The following HLCS variants were observed in gnomAD, a reference collection of about 807,000 sequenced individuals.
HLCS encodes the protein holocarboxylase synthetase.
In HLCS, 53 loss-of-function variants were observed where a neutral mutation model predicts 75.0. The ratio of observed to expected loss-of-function variants is 0.71; its 90% confidence interval spans 0.57 to 0.89. The LOEUF is 0.89. Ranked by LOEUF, HLCS falls within the 40% of genes least tolerant of loss-of-function variation. HLCS has a pLI of 0.00. For synonymous variants in HLCS, 431 were observed against 428.6 expected (o/e 1.01, Z -0.07); for missense variants, 966 against 1,074.0 (o/e 0.90, Z 1.41).
Position 36,750,328 on chromosome 21 carries a change from C to T in HLCS, c.*3918G>A, listed in dbSNP as rs1210468032. Reference sequence around the variant, plus strand: ...CCCAATTCAAGGCTGGCTCAGCCCTCCACGGGGCCTCCCAGGGAAAGGAAT... The same window carrying T: ...CCCAATTCAAGGCTGGCTCAGCCCTTCACGGGGCCTCCCAGGGAAAGGAAT... On this transcript the variant is annotated 3_prime_UTR_variant, in exon 11 of 11. Coordinates refer to ENST00000674895, the MANE Select transcript of HLCS (RefSeq NM_001352514.2). Among the ~76,000 whole-genome samples the T allele has an allele frequency of 1.3e-5, 2 of 152,246 alleles. No individual in the cohort carries two copies. The highest frequency in any genetic ancestry group is 2.4e-5 in the African/African-American group (1 of 41,466).
chr21:36,879,272 G>A (rs2064112468), intron 6 of HLCS, among the ~76,000 whole-genome samples: 1 of 151,966 alleles, frequency 6.6e-6, no homozygotes, highest in South Asian at 2.1e-4. Flanking sequence ...ATTGTAATGG[G>A]GTCACTACAG....
At chr21:36,939,844 G>A (rs1354819383) in intron 2 of HLCS, among the ~76,000 whole-genome samples, 3 of 152,136 alleles carry the variant, frequency 2.0e-5, no homozygotes, top group African/African-American at 4.8e-5. Flanking sequence ...GCAAGCTTCC[G>A]ACCCTCACAG....
At chr21:36,891,622 G>A (rs1478590237) in intron 6 of HLCS, among the ~76,000 whole-genome samples, 3 of 152,140 alleles carry the variant, frequency 2.0e-5, no homozygotes, top group African/African-American at 7.2e-5. Context: ...AGGTAGACCT[G>A]GTGTCTGTTA....
At chr21:36,968,325 T>C (rs180887094), upstream of HLCS, among the ~76,000 whole-genome samples, 342 of 152,352 alleles carry the variant, frequency 2.2e-3, 1 homozygote, top group Non-Finnish European at 3.8e-3. Context: ...CTTGGCCATT[T>C]GTTCATCTGC....
chr21:36,754,410 G>C lies in HLCS; in HGVS notation c.2458C>G (p.Gln820Glu). ...YYRYWVHSGQ[Q>E]VHLGSAEGPK... ...CCCTCTGCGCTGCCCAGATGGACTT[G>C]CTGACCACTGAAAAGGAAGAACAGC... The change falls in exon 11 of 11, where the codon CAA becomes GAA. Residue 820 changes from glutamine to glutamate, a missense_variant. Physicochemically the swap from Gln to Glu is conservative, Grantham distance 29. Coordinates refer to ENST00000674895, the MANE Select transcript of HLCS (RefSeq NM_001352514.2). The C allele has an allele frequency of 6.2e-7, 1 of 1,612,206 alleles. No homozygotes were observed. The highest frequency in any genetic ancestry group is 1.1e-5 in the South Asian group (1 of 90,974).
At chr21:36,755,335 A>C (rs2089523252) in intron 10 of HLCS, among the ~76,000 whole-genome samples, 1 of 151,950 alleles carries the variant, frequency 6.6e-6, no homozygotes, top group Non-Finnish European at 1.5e-5. Flanking sequence ...CGGGAGTTCA[A>C]GGTTTCAGTA....
At chr21:36,942,034 T>G (rs1601821759) in intron 2 of HLCS, among the ~76,000 whole-genome samples, 1 of 147,680 alleles carries the variant, frequency 6.8e-6, no homozygotes, top group African/African-American at 2.5e-5. Context: ...TTTAGCTAGG[T>G]GGGAGCAGGC....
chr21:36,979,380 G>A (rs533084452), intron 1 of HLCS, among the ~76,000 whole-genome samples: 1 of 152,224 alleles, frequency 6.6e-6, no homozygotes, highest in East Asian at 1.9e-4. Context: ...TATGGTGGGA[G>A]AAGGGGGGCA....
In HLCS at chr21:36,987,426, A is replaced by C. The variant is rs1397457593; in HGVS notation, c.-393+2732T>G. On this transcript the variant is annotated intron_variant, in intron 1 of 11. Coordinates refer to the HLCS transcript ENST00000336648. ...CCAGGAGTTCGAGACCAGCATGGCT[A>C]GCATGGTGAAACCCTGTCTCTACTA... Among the ~76,000 whole-genome samples the C allele has an allele frequency of 2.6e-5, 4 of 152,136 alleles. No homozygotes were observed. The East Asian group carries it at 5.8e-4, about 22-fold the overall frequency.
At chr21:36,954,771 CA>C (rs972856213) in intron 2 of HLCS, among the ~76,000 whole-genome samples, 2 of 151,028 alleles carry the variant, frequency 1.3e-5, no homozygotes, top group East Asian at 2.0e-4. Context: ...CAAAACAAAA[CA>C]AAAAAAACAG....
chr21:36,793,748 T>C (rs997880475), intron 6 of HLCS, among the ~76,000 whole-genome samples: 1 of 152,182 alleles, frequency 6.6e-6, no homozygotes, highest in Non-Finnish European at 1.5e-5. Flanking sequence ...ACAAGCATGT[T>C]AGAGATAAAT....
chr21:36,936,915 C>A lies in HLCS; in HGVS notation c.971G>T (p.Gly324Val). 1 of 1,614,170 alleles carries A rather than the reference C, an allele frequency of 6.2e-7. No individual in the cohort carries two copies. The highest frequency in any genetic ancestry group is 8.5e-7 in the Non-Finnish European group (1 of 1,180,028). Residue 324 changes from glycine to valine, a missense_variant, in exon 4 of 11, where the codon GGC becomes GTC. Physicochemically the swap from Gly to Val is moderately radical, Grantham distance 109. Transcript: ENST00000674895. ...CACAGACCGGACCTCGTGGAACCGGCCGAGGGCTTCCTGGGAGTCGGAGCC... is the reference window on the plus strand; with the variant it reads ...CACAGACCGGACCTCGTGGAACCGGACGAGGGCTTCCTGGGAGTCGGAGCC... The part of the protein sequence containing the change: ...YVGSDSQEAL[G>V]RFHEVRSVLA...
intron 5 of HLCS, among the ~76,000 whole-genome samples, chr21:36,906,252 G>A (rs2065450304): frequency 6.6e-6 from 1 of 152,118 alleles, no homozygotes; most frequent in Admixed American, 6.6e-5. Context: ...AGATGTCTGA[G>A]CATCATAACT....
chr21:36,971,844 A>G (rs1307563662), intron 1 of HLCS: 1 of 152,048 alleles, frequency 6.6e-6, no homozygotes, highest in Non-Finnish European at 1.5e-5. Flanking sequence ...AAAAAAAAAA[A>G]ATGAAGAGCC....
chr21:36,920,975 G>T (rs1260237086), intron 5 of HLCS, among the ~76,000 whole-genome samples: 1 of 151,592 alleles, frequency 6.6e-6, no homozygotes, highest in Non-Finnish European at 1.5e-5. Flanking sequence ...TCTTTTAAAA[G>T]GTGTATTTTC....
chr21:36,811,004 T>G (rs2145959124), intron 6 of HLCS, among the ~76,000 whole-genome samples: 1 of 152,256 alleles, frequency 6.6e-6, no homozygotes, highest in East Asian at 1.9e-4. Flanking sequence ...CAGTGCTGAT[T>G]GAGAGGAAAA....
At position 36,966,557 on chromosome 21, in the gene HLCS, G is replaced by A. The variant is rs1286567260; in HGVS notation, c.82C>T (p.Arg28Trp). The A allele has an allele frequency of 2.4e-5, 24 of 1,001,434 alleles. No homozygotes were observed. Among genetic ancestry groups the A allele is most frequent in the East Asian group, 1.1e-4 (1 of 9,240 alleles). 62.0% of individuals were successfully genotyped at this position (1,001,434 alleles called of 1,614,324 possible). ...AAGGAACAGCGCGAGGCACGCAGCCGCCGCACCGTGGCGCGCACGAGCTCA... is the reference window on the plus strand; with the variant it reads ...AAGGAACAGCGCGAGGCACGCAGCCACCGCACCGTGGCGCGCACGAGCTCA... ...PAELVRATVR[R>W]LRASRCSFTF... The change falls in exon 1 of 11, where the codon CGG (arginine) becomes TGG (tryptophan). Residue 28 changes from arginine to tryptophan, a missense_variant. Coordinates refer to ENST00000674895, the MANE Select transcript of HLCS (RefSeq NM_001352514.2).
intron 6 of HLCS, among the ~76,000 whole-genome samples, chr21:36,815,643 T>C (rs1432895266): frequency 6.6e-6 from 1 of 152,196 alleles, no homozygotes; most frequent in Non-Finnish European, 1.5e-5. Flanking sequence ...TTGGTGCCCC[T>C]AAAAAGTGAA....
At chr21:36,829,563 T>C (rs2062126392) in intron 6 of HLCS, among the ~76,000 whole-genome samples, 1 of 152,246 alleles carries the variant, frequency 6.6e-6, no homozygotes, top group Non-Finnish European at 1.5e-5. Context: ...ACTATACAGA[T>C]ATTTGTAACT....
Sources: gnomAD v4.1 joint callset for allele counts (sites outside exome capture counted in the v4.1 genomes callset) on GRCh38, gnomAD v4.1.1 for gene constraint, MANE v1.5 for transcripts, NCBI Gene and HGNC (gene_info 2026-07-23, HGNC 2026-07-21) for gene names.